Variants in CNOT9 observed in about 807,000 individuals in gnomAD.
CNOT9 encodes the protein CCR4-NOT transcription complex subunit 9.
A neutral mutation model predicts 37.4 loss-of-function variants in CNOT9; 8 were observed. The ratio of observed to expected loss-of-function variants is 0.21; its 90% CI spans 0.13 to 0.39. The LOEUF is 0.39. CNOT9 is among the 10% of genes least tolerant of loss of function. CNOT9 has a pLI of 1.00. For missense variants in CNOT9, 154 were observed against 365.3 expected (o/e 0.42, Z 4.71); for synonymous variants, 120 against 137.6 (o/e 0.87, Z 0.90).
At position 218,592,490 on chromosome 2, in the gene CNOT9, C is replaced by CT. The variant is rs1347371318; in HGVS notation, c.639+89dup. ...ACTGGCATTGAACAACTTCAGTCCT[C>CT]TGACTAGAACTAACAATTTTGGAAC... On this transcript the variant is annotated intron_variant, in intron 6 of 7. Coordinates refer to ENST00000273064, the MANE Select transcript of CNOT9 (RefSeq NM_005444.3). The surrounding 1 kb of genome is among the most constrained non-coding windows in gnomAD (Gnocchi z 4.1). The CT allele has an allele frequency of 6.2e-6, 9 of 1,440,902 alleles. No homozygotes were observed. The highest frequency in any genetic ancestry group is 7.8e-6 in the Non-Finnish European group (8 of 1,022,582). 89.3% of individuals were successfully genotyped at this position (1,440,902 alleles called of 1,614,324 possible).
chr2:218,582,889 CTTTTT>C, intron 2 of CNOT9, 77 bp from the exon 3 acceptor site: 1 of 676,618 alleles, frequency 1.5e-6, no homozygotes, highest in Non-Finnish European at 2.5e-6. Context: ...TTTTATTTGC[CTTTTT>C]TTTTTTTTGC....
chr2:218,590,501 G>T (rs890960537), intron 5 of CNOT9, among the ~76,000 whole-genome samples: 1 of 152,146 alleles, frequency 6.6e-6, no homozygotes, highest in Non-Finnish European at 1.5e-5. Flanking sequence ...ATTACCACAA[G>T]CTAGAAGGGT....
chr2:218,593,582 A>G, intron 7 of CNOT9: 1 of 1,499,832 alleles, frequency 6.7e-7, no homozygotes, highest in East Asian at 2.5e-5. Flanking sequence ...GAAACGTTTA[A>G]AAGTTCATCT....
intron 1 of CNOT9, among the ~76,000 whole-genome samples, chr2:218,578,869 T>TA (rs1694267245): frequency 6.6e-6 from 1 of 152,210 alleles, no homozygotes; most frequent in Non-Finnish European, 1.5e-5. Flanking sequence ...TAGAGAATTA[T>TA]AAAATATTCA....
At position 218,583,073 on chromosome 2, in the gene CNOT9, C is replaced by T; in HGVS notation, c.307C>T (p.His103Tyr). ...GGCATTACTGCAATGTGTAGCATCA[C>T]ATCCAGAAACCAGGTAAATGCTTTG... The part of the protein sequence containing the change: ...ALALLQCVAS[H>Y]PETRSAFLAA... The change falls in exon 3 of 8, where the codon CAT becomes TAT. Residue 103 changes from histidine (H) to tyrosine (Y), a missense_variant. His to Tyr is a moderately conservative substitution (Grantham distance 83). Transcript: ENST00000273064. 1 of 1,610,714 alleles carries T rather than the reference C, an allele frequency of 6.2e-7. No individual in the cohort carries two copies. The highest frequency in any genetic ancestry group is 8.5e-7 in the Non-Finnish European group (1 of 1,176,980).
At chr2:218,569,104 C>T (rs1355019394) in intron 1 of CNOT9, 126 bp downstream of exon 1, 1 of 1,001,100 alleles carries the variant, frequency 1.0e-6, no homozygotes, top group Non-Finnish European at 1.5e-6. Context: ...CTCCAAGGCC[C>T]CGGTTCCCCT....
intron 1 of CNOT9, chr2:218,572,583 A>T: frequency 1.1e-5 from 7 of 617,628 alleles, no homozygotes; most frequent in Non-Finnish European, 1.4e-5. Flanking sequence ...GTGAGCCATG[A>T]TCATGCTACC....
intron 1 of CNOT9, among the ~76,000 whole-genome samples, chr2:218,579,797 CATTTATTT>C (rs202121171): frequency 3.3e-5 from 5 of 150,514 alleles, no homozygotes; most frequent in East Asian, 2.0e-4. Context: ...CAGTTTTCTG[CATTTATTT>C]ATTTATTTAT....
chr2:218,592,879 G>A lies in CNOT9; in HGVS notation c.731+172G>A. 5 of 603,156 alleles carry A rather than the reference G, an allele frequency of 8.3e-6. No individual in the cohort carries two copies. Among genetic ancestry groups the A allele is most frequent in the Admixed American group, 3.0e-5 (1 of 33,338 alleles). The allele number at this position is 603,156 out of a possible 1,614,324, so 37.4% of individuals were successfully genotyped here. On this transcript the variant is annotated intron_variant, in intron 7 of 7. Transcript: ENST00000273064. This position sits in a 1 kb window ranked among gnomAD's most constrained non-coding sequence, Gnocchi z 4.1. ...TAAAAATCTGAAATGCTGAATTTTAGTAGCCATCAGTTTCATCTTCTCACT... is the reference window on the plus strand; with the variant it reads ...TAAAAATCTGAAATGCTGAATTTTAATAGCCATCAGTTTCATCTTCTCACT...
intron 1 of CNOT9, among the ~76,000 whole-genome samples, chr2:218,570,563 G>A (rs1035737066): frequency 1.1e-4 from 16 of 152,082 alleles, no homozygotes; most frequent in African/African-American, 3.9e-4. Context: ...ATGTAACGTG[G>A]GGAAAAGCAA....
intron 1 of CNOT9, among the ~76,000 whole-genome samples, chr2:218,571,278 C>T (rs2256745): frequency 0.99 from 151,268 of 152,282 alleles, 75,138 homozygotes; most frequent in Middle Eastern, 1. Context: ...GAATGTAAGC[C>T]GGGTGGTGTG....
intron 4 of CNOT9, among the ~76,000 whole-genome samples, 171 bp downstream of exon 4, chr2:218,584,892 A>G (rs935915319): frequency 1.3e-5 from 2 of 151,994 alleles, no homozygotes; most frequent in African/African-American, 4.8e-5. Context: ...CCTATCAAGC[A>G]CTCTTCTAAG....
intron 4 of CNOT9, among the ~76,000 whole-genome samples, chr2:218,586,889 T>C (rs1429874647): frequency 6.6e-6 from 1 of 152,210 alleles, no homozygotes; most frequent in Non-Finnish European, 1.5e-5. Flanking sequence ...TCTAATAGAC[T>C]GATCCTAAGA....
intron 1 of CNOT9, among the ~76,000 whole-genome samples, chr2:218,569,221 G>T (rs1443802718): frequency 6.6e-6 from 1 of 152,178 alleles, no homozygotes; most frequent in Non-Finnish European, 1.5e-5. Flanking sequence ...CCGGGGCCTG[G>T]TCCCACGCCC....
In CNOT9 at chr2:218,592,925, G is replaced by A. The variant is rs1016957286; in HGVS notation, c.731+218G>A. On this transcript the variant is annotated intron_variant, in intron 7 of 7. Coordinates refer to ENST00000273064, the MANE Select transcript of CNOT9 (RefSeq NM_005444.3). The surrounding 1 kb of genome is among the most constrained non-coding windows in gnomAD (Gnocchi z 4.1). ...TCACTGTAACTCTCCATCCTACTGTGAAATTCCAGAGAGTCTAGGCGATTC... is the reference window on the plus strand; with the variant it reads ...TCACTGTAACTCTCCATCCTACTGTAAAATTCCAGAGAGTCTAGGCGATTC... 6 of 556,498 alleles carry A rather than the reference G, an allele frequency of 1.1e-5. No individual in the cohort carries two copies. The highest frequency in any genetic ancestry group is 1.9e-5 in the Non-Finnish European group (6 of 313,944). 34.5% of individuals were successfully genotyped at this position (556,498 alleles called of 1,614,324 possible).
At chr2:218,574,346 A>G (rs1694097063) in intron 1 of CNOT9, 1 of 154,868 alleles carries the variant, frequency 6.5e-6, no homozygotes, top group African/African-American at 2.4e-5. Flanking sequence ...TGTTAAGGAT[A>G]ACTCATAATC....
intron 1 of CNOT9, chr2:218,572,553 TAAAAA>T (rs1478853525): frequency 2.8e-6 from 1 of 354,024 alleles, no homozygotes; most frequent in Non-Finnish European, 4.0e-6. Context: ...AAAAAATGTT[TAAAAA>T]TTTTCCAGGC....
At chr2:218,588,507 T>TTGAA (rs1398730843) in intron 5 of CNOT9, among the ~76,000 whole-genome samples, 4 of 150,694 alleles carry the variant, frequency 2.7e-5, no homozygotes, top group Non-Finnish European at 5.9e-5. Flanking sequence ...CAGGCTGGTG[T>TTGAA]TGAACCCCTG....
At chr2:218,582,076 G>A (rs770233110) in intron 2 of CNOT9, among the ~76,000 whole-genome samples, 1 of 127,818 alleles carries the variant, frequency 7.8e-6, no homozygotes, top group African/African-American at 2.5e-5. Flanking sequence ...GTGAGACCCT[G>A]TCTCAAAAAA....
Sources: allele counts gnomAD v4.1 joint callset (sites outside exome capture counted in the v4.1 genomes callset), GRCh38; gene constraint gnomAD v4.1.1; non-coding constraint Gnocchi (gnomAD v3.1); transcripts MANE v1.5; gene names NCBI Gene and HGNC (gene_info 2026-07-23, HGNC 2026-07-21).